GALNT17: variants seen among roughly 807,000 people sequenced by gnomAD.
GALNT17 encodes UDP-GalNAc:polypeptide N-acetylgalactosaminyltransferase-like 3.
In GALNT17, 29 loss-of-function variants were observed where a neutral mutation model predicts 63.7. The ratio of observed to expected loss-of-function variants is 0.46; its 90% confidence interval spans 0.34 to 0.62. GALNT17 has a LOEUF of 0.62. Ranked by LOEUF, GALNT17 falls within the 20% of genes least tolerant of loss-of-function variation. GALNT17 has a pLI of 0.01. For missense variants in GALNT17, 603 were observed against 799.6 expected (o/e 0.75, Z 2.97); for synonymous variants, 305 against 318.3 (o/e 0.96, Z 0.45).
intron 2 of GALNT17, among the ~76,000 whole-genome samples, chr7:71,357,869 T>G (rs1483827491): frequency 6.6e-6 from 1 of 152,108 alleles, no homozygotes; most frequent in Admixed American, 6.6e-5. Flanking sequence ...CTTTGTAAAA[T>G]GCACCAATCA....
intron 6 of GALNT17, among the ~76,000 whole-genome samples, chr7:71,605,715 G>A (rs1438070558): frequency 1.3e-5 from 2 of 152,190 alleles, no homozygotes; most frequent in Non-Finnish European, 2.9e-5. Flanking sequence ...TCTGGGGTTA[G>A]AGAAGAGGAC....
intron 1 of GALNT17, among the ~76,000 whole-genome samples, chr7:71,162,872 G>A (rs905200549): frequency 1.3e-5 from 2 of 152,178 alleles, no homozygotes; most frequent in African/African-American, 4.8e-5. Context: ...ATGTGGAGAG[G>A]CTTAGGAGGG....
At chr7:71,145,224 G>A (rs1787995457) in intron 1 of GALNT17, among the ~76,000 whole-genome samples, 1 of 152,176 alleles carries the variant, frequency 6.6e-6, no homozygotes. Context: ...GTCTCAAAGG[G>A]AAAACTGAAC....
intron 1 of GALNT17, among the ~76,000 whole-genome samples, chr7:71,243,524 A>G (rs1224735112): frequency 1.3e-5 from 2 of 152,122 alleles, no homozygotes; most frequent in East Asian, 3.9e-4. Context: ...AAGCAGAAAT[A>G]TGCAATCCTT....
At chr7:71,701,831 A>ACACATATATATACG (rs1562742410) in intron 9 of GALNT17, among the ~76,000 whole-genome samples, 6 of 44,046 alleles carry the variant, frequency 1.4e-4, no homozygotes, top group African/African-American at 4.1e-4. Context: ...ATATATACAC[A>ACACATATATATACG]TATATATATG....
intron 5 of GALNT17, among the ~76,000 whole-genome samples, chr7:71,534,675 C>G (rs1184154519): frequency 6.6e-6 from 1 of 151,908 alleles, no homozygotes; most frequent in East Asian, 1.9e-4. Flanking sequence ...GGTAACTGCT[C>G]CCATAATTTA....
At chr7:71,367,348 C>A (rs934250457) in intron 2 of GALNT17, among the ~76,000 whole-genome samples, 1 of 152,138 alleles carries the variant, frequency 6.6e-6, no homozygotes, top group East Asian at 1.9e-4. Context: ...CCCCAAATCC[C>A]AAGCGCTGGC....
At chr7:71,436,732 A>AAT (rs1786972229) in intron 5 of GALNT17, among the ~76,000 whole-genome samples, 1 of 151,192 alleles carries the variant, frequency 6.6e-6, no homozygotes, top group African/African-American at 2.4e-5. Context: ...AAAAAAATAA[A>AAT]AAATAAAACA....
intron 1 of GALNT17, among the ~76,000 whole-genome samples, chr7:71,153,774 A>T (rs1255097080): frequency 6.6e-6 from 1 of 151,910 alleles, no homozygotes; most frequent in African/African-American, 2.4e-5. Flanking sequence ...AAAATTAGCC[A>T]GTCGTGGTGG....
intron 1 of GALNT17, among the ~76,000 whole-genome samples, chr7:71,173,936 T>C (rs1303141190): frequency 6.6e-6 from 1 of 152,082 alleles, no homozygotes; most frequent in East Asian, 1.9e-4. Flanking sequence ...GTTGAATATA[T>C]GAGTGCACTG....
At position 71,664,679 on chromosome 7, in the gene GALNT17, A is replaced by G. The variant is rs140883250; in HGVS notation, c.1081-732A>G. On this transcript the variant is annotated intron_variant, in intron 6 of 10. Coordinates refer to ENST00000333538, the MANE Select transcript of GALNT17 (RefSeq NM_022479.3). ...ATACATCTTGTGCTGATATGAATAA[A>G]GATCTGTTTCTTAGTATGAATTTTC... Among the ~76,000 whole-genome samples, 245 of 152,350 alleles carry G rather than the reference A, an allele frequency of 1.6e-3. 2 individuals carry two copies. Among genetic ancestry groups the G allele is most frequent in the African/African-American group, 5.6e-3 (232 of 41,582 alleles).
intron 5 of GALNT17, among the ~76,000 whole-genome samples, chr7:71,488,063 G>A (rs535149572): frequency 6.6e-6 from 1 of 151,992 alleles, no homozygotes; most frequent in African/African-American, 2.4e-5. Context: ...CCAGCTACTC[G>A]GGAGACCAAG....
intron 1 of GALNT17, among the ~76,000 whole-genome samples, chr7:71,184,294 C>A (rs1221262246): frequency 6.6e-6 from 1 of 152,158 alleles, no homozygotes; most frequent in Non-Finnish European, 1.5e-5. Flanking sequence ...TCCACGGCAG[C>A]CCTAGTGGAG....
chr7:71,466,194 T>C (rs1243240967), intron 5 of GALNT17, among the ~76,000 whole-genome samples: 1 of 152,068 alleles, frequency 6.6e-6, no homozygotes, highest in Non-Finnish European at 1.5e-5. Flanking sequence ...AAAATAAAAG[T>C]CCTCCTGCTG....
intron 5 of GALNT17, among the ~76,000 whole-genome samples, chr7:71,468,022 G>C (rs760172859): frequency 6.6e-6 from 1 of 152,148 alleles, no homozygotes; most frequent in East Asian, 1.9e-4. Flanking sequence ...TTCTTTTCTC[G>C]TTATTTTAAT....
intron 5 of GALNT17, among the ~76,000 whole-genome samples, chr7:71,549,294 C>T (rs141796818): frequency 2.0e-5 from 3 of 152,194 alleles, no homozygotes; most frequent in East Asian, 3.9e-4. Flanking sequence ...TGGCTGGGCA[C>T]GGTGGCTCAT....
intron 1 of GALNT17, among the ~76,000 whole-genome samples, chr7:71,213,425 T>G (rs1019464489): frequency 1.7e-4 from 26 of 151,562 alleles, no homozygotes; most frequent in Admixed American, 1.6e-3. Flanking sequence ...CAATTGGTAT[T>G]TATTTATATG....
At chr7:71,580,810 C>G (rs1462809284) in intron 6 of GALNT17, among the ~76,000 whole-genome samples, 2 of 152,214 alleles carry the variant, frequency 1.3e-5, no homozygotes, top group African/African-American at 2.4e-5. Flanking sequence ...TATGATAAAT[C>G]TCATGTTTCT....
intron 5 of GALNT17, among the ~76,000 whole-genome samples, chr7:71,427,451 T>C (rs1426120008): frequency 4.6e-5 from 7 of 152,000 alleles, no homozygotes; most frequent in Admixed American, 4.6e-4. Context: ...GGCAGTATCC[T>C]TTTTTTGTTT....
Sources: allele counts gnomAD v4.1 joint callset (sites outside exome capture counted in the v4.1 genomes callset), GRCh38; gene constraint gnomAD v4.1.1; transcripts MANE v1.5; gene names NCBI Gene and HGNC (gene_info 2026-07-23, HGNC 2026-07-21).